Variants in DLK1 observed in about 807,000 individuals in gnomAD.
DLK1 encodes protein delta homolog 1.
DLK1 carries 9 observed loss-of-function variants against 35.2 expected under a neutral mutation model. The ratio of observed to expected loss-of-function variants is 0.26; its 90% confidence interval spans 0.15 to 0.45. The LOEUF is 0.45. DLK1 is among the 20% of genes least tolerant of loss of function. The probability of loss-of-function intolerance (pLI) is 1.00; values close to 1 mark genes in which losing one functional copy is unlikely to be tolerated. For missense variants in DLK1, 522 were observed against 528.5 expected, an observed-to-expected ratio of 0.99 and a Z score of 0.12; for synonymous variants, 231 against 228.4, an observed-to-expected ratio of 1.01 and a Z score of -0.10.
At chr14:100,728,608 G>C (rs1265232106) in intron 2 of DLK1, 149 bp downstream of exon 2, 4 of 278,088 alleles carry the variant, frequency 1.4e-5, no homozygotes, top group African/African-American at 1.0e-4. Context: ...GGGGCGAGCT[G>C]GGGAGATGGG....
In DLK1 at chr14:100,727,026, G is replaced by A. The variant is rs1382652730; in HGVS notation, c.-43G>A. 2 of 1,522,180 alleles carry A rather than the reference G, an allele frequency of 1.3e-6. No individual in the cohort carries two copies. Among genetic ancestry groups the A allele is most frequent in the Non-Finnish European group, 1.8e-6 (2 of 1,137,516 alleles). The allele number at this position is 1,522,180 out of a possible 1,614,324, so 94.3% of individuals were successfully genotyped here. On this transcript the variant is annotated 5_prime_UTR_variant, in exon 1 of 5. Coordinates refer to ENST00000341267, the MANE Select transcript of DLK1 (RefSeq NM_003836.7). ...CAGTGCGGCGCCAGGAGCCGGACCC[G>A]CGCCCGCACCGCTCCCGGGACCGCG...
At position 100,736,445 on chromosome 14, in the gene DLK1, A is replaced by G. The variant is rs2036572624; in HGVS notation, c.*1549A>G. On this transcript the variant is annotated 3_prime_UTR_variant, in exon 5 of 5. Coordinates refer to ENST00000341267, the MANE Select transcript of DLK1 (RefSeq NM_003836.7). ...AGTCAGTCACATCAGTCACCCACAC[A>G]CAACTCACAGTCACCCATCCATTGG... 6.6e-6 allele frequency: 1 copy of G among 152,170 alleles called. No individual in the cohort carries two copies. Among genetic ancestry groups the G allele is most frequent in the South Asian group, 2.1e-4 (1 of 4,834 alleles). 9.4% of individuals were successfully genotyped at this position (152,170 alleles called of 1,614,324 possible). A position where few individuals can be genotyped will look rare whatever the true frequency, so the allele number is the denominator to read the frequency against.
intron 3 of DLK1, 72 bp downstream of exon 3, chr14:100,729,138 C>T: frequency 6.2e-7 from 1 of 1,603,516 alleles, no homozygotes; most frequent in Non-Finnish European, 8.5e-7. Flanking sequence ...CACCTCCTCC[C>T]AGTCTCCTGT....
chr14:100,731,425 C>T (rs1172844684), intron 3 of DLK1, among the ~76,000 whole-genome samples: 1 of 152,134 alleles, frequency 6.6e-6, no homozygotes, highest in African/African-American at 2.4e-5. Flanking sequence ...AGCCTTTTTA[C>T]CAGGGACCCC....
intron 1 of DLK1, 130 bp downstream of exon 1, chr14:100,727,265 G>A: frequency 1.0e-6 from 1 of 973,710 alleles, no homozygotes; most frequent in South Asian, 2.2e-5. Context: ...CCTAAGCCCC[G>A]CGCTGTGCCT....
rs200632177 is a variant in DLK1 at position 100,729,076 on chromosome 14, C to T, written c.262+10C>T. 42 of 1,613,376 alleles carry T rather than the reference C, an allele frequency of 2.6e-5. No individual in the cohort carries two copies. The highest frequency in any genetic ancestry group is 1.6e-4 in the Middle Eastern group (1 of 6,062). ...GAGCTCTGTGATAGAGGTTGGCACT[C>T]GCCTTTGTTCACCTCAGCTCTGCGT... On this transcript the variant is annotated intron_variant, in intron 3 of 4. Coordinates refer to ENST00000341267, the MANE Select transcript of DLK1 (RefSeq NM_003836.7).
At chr14:100,730,959 T>C (rs542188493) in intron 3 of DLK1, among the ~76,000 whole-genome samples, 94 of 150,016 alleles carry the variant, frequency 6.3e-4, no homozygotes, top group African/African-American at 2.3e-3. Context: ...GCACGGGGGA[T>C]TTCCCCTCCC....
chr14:100,734,687 A>G lies in DLK1; in HGVS notation c.943A>G (p.Ser315Gly). 2 of 1,614,074 alleles carry G rather than the reference A, an allele frequency of 1.2e-6. No homozygotes were observed. The highest frequency in any genetic ancestry group is 1.7e-6 in the Non-Finnish European group (2 of 1,180,016). ...ICFTILGVLT[S>G]LVVLGTVGIV... ...CTTCACCATCCTGGGCGTGCTCACC[A>G]GCCTGGTGGTGCTGGGCACTGTGGG... is the stretch of plus-strand genomic sequence containing the variant. The change falls in exon 5 of 5, where the codon AGC (serine) becomes GGC (glycine). Residue 315 changes from serine to glycine, a missense_variant. Ser to Gly is a moderately conservative substitution (Grantham distance 56). Coordinates refer to ENST00000341267, the MANE Select transcript of DLK1 (RefSeq NM_003836.7). This position sits in a 1 kb window ranked among gnomAD's most constrained non-coding sequence, Gnocchi z 7.4.
chr14:100,729,084 T>C lies in DLK1; in HGVS notation c.262+18T>C. The C allele has an allele frequency of 6.2e-7, 1 of 1,613,082 alleles. No individual in the cohort carries two copies. The highest frequency in any genetic ancestry group is 1.1e-5 in the South Asian group (1 of 91,080). ...TGATAGAGGTTGGCACTCGCCTTTGTTCACCTCAGCTCTGCGTCCTTACCT... is the reference window on the plus strand; with the variant it reads ...TGATAGAGGTTGGCACTCGCCTTTGCTCACCTCAGCTCTGCGTCCTTACCT... On this transcript the variant is annotated intron_variant, in intron 3 of 4. Coordinates refer to ENST00000341267, the MANE Select transcript of DLK1 (RefSeq NM_003836.7).
chr14:100,733,704 C>T (rs1235776156), intron 4 of DLK1, among the ~76,000 whole-genome samples: 1 of 152,164 alleles, frequency 6.6e-6, no homozygotes, highest in Non-Finnish European at 1.5e-5. Flanking sequence ...AGGGATGGAG[C>T]TAAGGGAAGG....
At position 100,736,215 on chromosome 14, in the gene DLK1, TAGAA is replaced by T. The variant is rs1453834158; in HGVS notation, c.*1325_*1328del. 2.7e-5 allele frequency: 4 copies of T among 150,794 alleles called. No homozygotes were observed. Among genetic ancestry groups the T allele is most frequent in the Non-Finnish European group, 5.9e-5 (4 of 67,826 alleles). 9.3% of individuals were successfully genotyped at this position (150,794 alleles called of 1,614,324 possible). On this transcript the variant is annotated 3_prime_UTR_variant, in exon 5 of 5. Coordinates refer to ENST00000341267, the MANE Select transcript of DLK1 (RefSeq NM_003836.7). ...AGAGCATCTATCTTTTTTGCAAAAATAGAAAGAAATGGGACAGAGCTCTGTTTAG... is the reference window on the plus strand; with the variant it reads ...AGAGCATCTATCTTTTTTGCAAAAATAGAAATGGGACAGAGCTCTGTTTAG...
intron 3 of DLK1, among the ~76,000 whole-genome samples, chr14:100,730,666 G>A (rs1394775986): frequency 6.6e-6 from 1 of 152,216 alleles, no homozygotes; most frequent in East Asian, 1.9e-4. Context: ...GTGGTCGCCA[G>A]CTTTTTAGCT....
rs368804261 is a variant in DLK1, at chr14:100,727,029, C to T, written c.-40C>T. 221 of 1,539,024 alleles carry T rather than the reference C, an allele frequency of 1.4e-4. No individual in the cohort carries two copies. The highest frequency in any genetic ancestry group is 1.8e-4 in the Non-Finnish European group (210 of 1,146,208). ...TGCGGCGCCAGGAGCCGGACCCGCG[C>T]CCGCACCGCTCCCGGGACCGCGACC... On this transcript the variant is annotated 5_prime_UTR_variant, in exon 1 of 5. Coordinates refer to ENST00000341267, the MANE Select transcript of DLK1 (RefSeq NM_003836.7).
At chr14:100,732,956 G>A (rs371612784) in intron 4 of DLK1, among the ~76,000 whole-genome samples, 223 of 152,298 alleles carry the variant, frequency 1.5e-3, no homozygotes, top group Non-Finnish European at 2.7e-3. Context: ...GGGCAGGGGT[G>A]TCCCTTTCCT....
chr14:100,728,906 G>A (rs747825827), intron 2 of DLK1, 30 bp from the exon 3 acceptor site: 2 of 1,611,090 alleles, frequency 1.2e-6, no homozygotes, highest in South Asian at 1.1e-5. Context: ...CTCTTCATAT[G>A]TCCCCACCTT....
chr14:100,733,366 C>G (rs1021383875), intron 4 of DLK1, among the ~76,000 whole-genome samples: 1 of 152,136 alleles, frequency 6.6e-6, no homozygotes, highest in Non-Finnish European at 1.5e-5. Flanking sequence ...AGGGCTCGCT[C>G]GTTTAAAAGC....
chr14:100,727,224 G>C, intron 1 of DLK1, 89 bp downstream of exon 1: 1 of 1,345,594 alleles, frequency 7.4e-7, no homozygotes, highest in Admixed American at 2.5e-5. Context: ...GCCCCGTCTC[G>C]TGAGCCCCAA....
chr14:100,734,146 C>T lies in DLK1; in HGVS notation c.405-3C>T. 1 of 1,595,864 alleles carries T rather than the reference C, an allele frequency of 6.3e-7. No individual in the cohort carries two copies. Among genetic ancestry groups the T allele is most frequent in the South Asian group, 1.1e-5 (1 of 87,732 alleles). ...CGTTTACTATGTCCCTGTTGTGTTG[C>T]AGCTCCCCCTGCCAGCACGGAGGCA... On this transcript the variant is annotated splice_region_variant and splice_polypyrimidine_tract_variant and intron_variant, in intron 4 of 4. Transcript: ENST00000341267. This position sits in a 1 kb window ranked among gnomAD's most constrained non-coding sequence, Gnocchi z 7.4.
In DLK1 at chr14:100,734,842, C is replaced by T. The variant is rs150069528; in HGVS notation, c.1098C>T (p.Pro366=). 141 of 1,610,460 alleles carry T rather than the reference C, an allele frequency of 8.8e-5. No individual in the cohort carries two copies. In the African/African-American group the frequency reaches 1.2e-3, roughly 14 times the overall value. ...GEDLAVNIIF[P]EKIDMTTFSK... Reference sequence around the variant, plus strand: ...ACCTGGCCGTCAACATCATCTTCCCCGAGAAGATCGACATGACCACCTTCA... The same window carrying T: ...ACCTGGCCGTCAACATCATCTTCCCTGAGAAGATCGACATGACCACCTTCA... Residue 366 remains proline, a synonymous_variant, in exon 5 of 5, where the codon CCC becomes CCT. Coordinates refer to ENST00000341267, the MANE Select transcript of DLK1 (RefSeq NM_003836.7). This position sits in a 1 kb window ranked among gnomAD's most constrained non-coding sequence, Gnocchi z 7.4.
Sources: gnomAD v4.1 joint callset for allele counts (sites outside exome capture counted in the v4.1 genomes callset) on GRCh38, gnomAD v4.1.1 for gene constraint, Gnocchi (gnomAD v3.1) non-coding constraint, MANE v1.5 for transcripts, NCBI Gene and HGNC (gene_info 2026-07-23, HGNC 2026-07-21) for gene names.